Variants in ANAPC7 observed in about 807,000 individuals in gnomAD.
ANAPC7 encodes the protein anaphase-promoting complex subunit 7.
ANAPC7 carries 25 observed loss-of-function variants against 63.3 expected under a neutral mutation model. The observed-to-expected ratio is 0.39, with a 90% CI of 0.29 to 0.55. The LOEUF is 0.55. ANAPC7 is among the 20% of genes least tolerant of loss of function. The pLI, the probability that ANAPC7 is intolerant of heterozygous loss-of-function variation, is 0.57. For missense variants in ANAPC7, 516 were observed against 691.7 expected, an observed-to-expected ratio of 0.75 and a Z score of 2.85; for synonymous variants, 241 against 251.7, an observed-to-expected ratio of 0.96 and a Z score of 0.40.
chr12:110,388,006 G>T, intron 4 of ANAPC7, 114 bp from the exon 5 acceptor site: 1 of 1,089,702 alleles, frequency 9.2e-7, no homozygotes, highest in Non-Finnish European at 1.3e-6. Flanking sequence ...TCCCTATTCT[G>T]AGCGATGCAT....
chr12:110,377,292 C>A lies in ANAPC7; in HGVS notation c.1357+101G>T, dbSNP rs532960188. ...TCAGACCTGCTGCAAAAGGCACACA[C>A]CTGTCTAGTCATCTGTAACTAGCTG... On this transcript the variant is annotated intron_variant, in intron 9 of 10. Transcript: ENST00000455511. The A allele has an allele frequency of 9.9e-6, 10 of 1,011,332 alleles. No homozygotes were observed. In the East Asian group the frequency reaches 2.2e-4, roughly 22 times the overall value. 62.6% of individuals were successfully genotyped at this position (1,011,332 alleles called of 1,614,324 possible). A position where few individuals can be genotyped will look rare whatever the true frequency, so the allele number is the denominator to read the frequency against.
At chr12:110,382,635 T>C (rs915554248) in intron 7 of ANAPC7, among the ~76,000 whole-genome samples, 1 of 151,472 alleles carries the variant, frequency 6.6e-6, no homozygotes, top group African/African-American at 2.4e-5. Flanking sequence ...AGTGGCACGA[T>C]CTTGGCTCAC....
intron 1 of ANAPC7, among the ~76,000 whole-genome samples, chr12:110,402,303 G>C (rs1004929367): frequency 6.6e-6 from 1 of 152,140 alleles, no homozygotes; most frequent in African/African-American, 2.4e-5. Flanking sequence ...AGAGGCCATG[G>C]GAAAGAATTT....
chr12:110,374,409 C>T (rs775854160), intron 10 of ANAPC7, 76 bp from the exon 11 acceptor site: 6 of 1,460,640 alleles, frequency 4.1e-6, no homozygotes, highest in Admixed American at 2.0e-5. Flanking sequence ...TCTCCCTGGC[C>T]CGGCAGTGAA....
At chr12:110,382,300 G>A (rs549427425) in intron 7 of ANAPC7, among the ~76,000 whole-genome samples, 5 of 150,944 alleles carry the variant, frequency 3.3e-5, no homozygotes, top group Non-Finnish European at 4.4e-5. Context: ...TAAGCACAAT[G>A]CATTCACCAA....
Position 110,382,745 on chromosome 12 carries a change from C to T in ANAPC7, c.935+98G>A, listed in dbSNP as rs945800969. 10 of 1,032,814 alleles carry T rather than the reference C, an allele frequency of 9.7e-6. No individual in the cohort carries two copies. The East Asian group carries it at 2.5e-4, about 25-fold the overall frequency. 64.0% of individuals were successfully genotyped at this position (1,032,814 alleles called of 1,614,324 possible). A position where few individuals can be genotyped will look rare whatever the true frequency, so the allele number is the denominator to read the frequency against. The stretch of plus-strand genomic sequence containing the variant: ...CCACCATGCCTGTCCAGGTGATTAC[C>T]TCTTAAACCTGTGCTTTCAATTTAT... On this transcript the variant is annotated intron_variant, in intron 7 of 10. Coordinates refer to ENST00000455511, the MANE Select transcript of ANAPC7 (RefSeq NM_016238.3).
intron 9 of ANAPC7, among the ~76,000 whole-genome samples, chr12:110,376,675 AC>A (rs1345176936): frequency 6.6e-6 from 1 of 151,512 alleles, no homozygotes; most frequent in Non-Finnish European, 1.5e-5. Flanking sequence ...AATTCAATGA[AC>A]CAAATTATGA....
intron 6 of ANAPC7, 115 bp from the exon 7 acceptor site, chr12:110,383,075 G>T: frequency 1.5e-6 from 1 of 674,398 alleles, no homozygotes; most frequent in Non-Finnish European, 2.5e-6. Flanking sequence ...TCCTGCAGGG[G>T]CTAAGCCCTT....
At chr12:110,389,268 T>C (rs1025821325) in intron 3 of ANAPC7, among the ~76,000 whole-genome samples, 1 of 152,170 alleles carries the variant, frequency 6.6e-6, no homozygotes, top group African/African-American at 2.4e-5. Flanking sequence ...GCTAGTTAAC[T>C]TGATTCTTTC....
At chr12:110,383,875 C>CAAAAAAAAAAAAAA (rs1159374781) in intron 6 of ANAPC7, among the ~76,000 whole-genome samples, 5 of 50,672 alleles carry the variant, frequency 9.9e-5, no homozygotes, top group East Asian at 6.3e-4. Flanking sequence ...GACTCCGTCT[C>CAAAAAAAAAAAAAA]AAAAAAAAAA....
chr12:110,394,669 C>CAAAAAAAAAAAA (rs779142936), intron 3 of ANAPC7, among the ~76,000 whole-genome samples: 3 of 42,788 alleles, frequency 7.0e-5, no homozygotes, highest in African/African-American at 3.2e-4. Context: ...AATTCCACCT[C>CAAAAAAAAAAAA]AAAAAAAAAA....
rs766767310 is a variant in ANAPC7 at position 110,403,677 on chromosome 12, C to T, written c.-50G>A. On this transcript the variant is annotated 5_prime_UTR_variant, in exon 1 of 11. Coordinates refer to ENST00000455511, the MANE Select transcript of ANAPC7 (RefSeq NM_016238.3). ...CGGCGGCAGCACTGACTCGAAAAGC[C>T]GGTAGAGGATCCTTAGGGAAGACTC... The T allele has an allele frequency of 1.9e-6, 3 of 1,557,162 alleles. No homozygotes were observed. Among genetic ancestry groups the T allele is most frequent in the Non-Finnish European group, 2.6e-6 (3 of 1,149,928 alleles).
rs916414230 is a variant in ANAPC7, at chr12:110,391,921, G to A, written c.408+3180C>T. 3.9e-5 allele frequency among the ~76,000 whole-genome samples: 6 copies of A among 151,918 alleles called. No homozygotes were observed. The South Asian group carries it at 6.2e-4, about 16-fold the overall frequency. On this transcript the variant is annotated intron_variant, in intron 3 of 10. Transcript: ENST00000455511. ...ATCCTGGCCAACATGGTGAAACCCC[G>A]TCTCCACTAAAATGCAAAAAAGTAG...
intron 3 of ANAPC7, among the ~76,000 whole-genome samples, chr12:110,390,662 T>G (rs1203929009): frequency 6.6e-6 from 1 of 152,210 alleles, no homozygotes; most frequent in Non-Finnish European, 1.5e-5. Flanking sequence ...GCCTCAGATT[T>G]TCCATATTAG....
At chr12:110,384,095 G>T (rs963749348) in intron 6 of ANAPC7, among the ~76,000 whole-genome samples, 9 of 149,360 alleles carry the variant, frequency 6.0e-5, no homozygotes, top group Non-Finnish European at 1.2e-4. Context: ...CCAGCTACTC[G>T]GGAGGCTGAG....
intron 6 of ANAPC7, 72 bp downstream of exon 6, chr12:110,386,255 T>A: frequency 6.3e-7 from 1 of 1,584,378 alleles, no homozygotes; most frequent in Non-Finnish European, 8.6e-7. Context: ...GTATTAATGC[T>A]GCATATTCTC....
At chr12:110,402,677 G>C (rs1398938128) in intron 1 of ANAPC7, among the ~76,000 whole-genome samples, 3 of 151,938 alleles carry the variant, frequency 2.0e-5, no homozygotes, top group African/African-American at 2.4e-5. Flanking sequence ...CTCAAGGATG[G>C]AATCAGCTCA....
intron 3 of ANAPC7, among the ~76,000 whole-genome samples, chr12:110,392,694 A>G (rs1201240171): frequency 6.6e-6 from 1 of 152,240 alleles, no homozygotes; most frequent in East Asian, 1.9e-4. Context: ...TTTATAAATA[A>G]AAAAGTAGTA....
At position 110,386,375 on chromosome 12, in the gene ANAPC7, CAG is replaced by C; in HGVS notation, c.767_768del (p.Ser256CysfsTer5). 1 of 1,614,086 alleles carries C rather than the reference CAG, an allele frequency of 6.2e-7. No homozygotes were observed. Among genetic ancestry groups the C allele is most frequent in the Non-Finnish European group, 8.5e-7 (1 of 1,180,012 alleles). On this transcript the variant is annotated frameshift_variant, in exon 6 of 11. Transcript: ENST00000455511. LOFTEE classifies it high-confidence loss of function. ...LYFRAGDNKN[S>X]VLKFEQAQML... ...ATCTGTGCCTGTTCAAACTTGAGGA[CAG>C]AGTTTTTATTGTCTCCAGCTCTGAA...
Sources: allele counts gnomAD v4.1 joint callset (sites outside exome capture counted in the v4.1 genomes callset), GRCh38; gene constraint gnomAD v4.1.1; transcripts MANE v1.5; gene names NCBI Gene and HGNC (gene_info 2026-07-23, HGNC 2026-07-21).